PRIM2: variants seen among roughly 807,000 people sequenced by gnomAD.
PRIM2 encodes DNA primase subunit 2.
PRIM2 carries 39 observed loss-of-function variants against 67.3 expected under a neutral mutation model. The ratio of observed to expected loss-of-function variants is 0.58; its 90% CI spans 0.45 to 0.76. The LOEUF (loss-of-function observed/expected upper bound fraction) is 0.76. Among genes scored for constraint, PRIM2 ranks in the 30% least tolerant of loss-of-function variants. The pLI, the probability that PRIM2 is intolerant of heterozygous loss-of-function variation, is 0.00. For missense variants in PRIM2, 398 were observed against 598.7 expected, an observed-to-expected ratio of 0.66 and a Z score of 3.50; for synonymous variants, 143 against 198.7, an observed-to-expected ratio of 0.72 and a Z score of 2.36.
intron 10 of PRIM2, among the ~76,000 whole-genome samples, chr6:57,546,204 T>C (rs1775288137): frequency 1.3e-5 from 2 of 152,344 alleles, no homozygotes; most frequent in African/African-American, 2.4e-5. Flanking sequence ...CGCCTAACTT[T>C]GGATTTCTGA....
At chr6:57,232,501 A>T in the PRIM2 span, among the ~76,000 whole-genome samples, 1 of 152,220 alleles carries the variant, frequency 6.6e-6, no homozygotes, top group Admixed American at 6.5e-5. Context: ...GTGAGCTGAG[A>T]TCGCGCCACT....
chr6:57,369,482 G>C (rs1769473851), intron 5 of PRIM2, among the ~76,000 whole-genome samples: 1 of 152,148 alleles, frequency 6.6e-6, no homozygotes, highest in Admixed American at 6.5e-5. Context: ...CTGTTGAGTG[G>C]GTGGATATGA....
At chr6:57,557,986 T>A (rs1775549290) in intron 10 of PRIM2, among the ~76,000 whole-genome samples, 3 of 152,142 alleles carry the variant, frequency 2.0e-5, no homozygotes, top group African/African-American at 7.2e-5. Flanking sequence ...TAGACATTAG[T>A]CTCCTGAGAG....
At chr6:57,286,129 C>T in the PRIM2 span, among the ~76,000 whole-genome samples, 1 of 152,154 alleles carries the variant, frequency 6.6e-6, no homozygotes, top group South Asian at 2.1e-4. Context: ...AAAGGAAAAA[C>T]ATTCCATGCT....
At chr6:57,279,279 C>CT in the PRIM2 span, among the ~76,000 whole-genome samples, 2 of 152,096 alleles carry the variant, frequency 1.3e-5, no homozygotes, top group Admixed American at 1.3e-4. Context: ...CTGCTTTTTT[C>CT]TTTTTTTAAC....
chr6:57,452,840 T>G (rs1036512313), intron 7 of PRIM2, among the ~76,000 whole-genome samples: 1 of 152,234 alleles, frequency 6.6e-6, no homozygotes, highest in Admixed American at 6.5e-5. Context: ...TTTTGGTGTT[T>G]TAGACATGAA....
chr6:57,320,995 G>T (rs1767636316), intron 3 of PRIM2, among the ~76,000 whole-genome samples: 1 of 152,156 alleles, frequency 6.6e-6, no homozygotes, highest in Non-Finnish European at 1.5e-5. Context: ...AGAAGAGGTA[G>T]TAGTGGAGCT....
chr6:57,308,961 A>G, the PRIM2 span, among the ~76,000 whole-genome samples: 1 of 146,214 alleles, frequency 6.8e-6, no homozygotes, highest in Non-Finnish European at 1.5e-5. Flanking sequence ...GTATTTATTG[A>G]TCATTCTTGG....
chr6:57,563,164 C>T (rs1259245819), intron 10 of PRIM2, among the ~76,000 whole-genome samples: 2 of 152,088 alleles, frequency 1.3e-5, no homozygotes, highest in East Asian at 1.9e-4. Flanking sequence ...AGTATAGCCT[C>T]TGTGAATATC....
chr6:57,565,022 T>G (rs1183094145), intron 10 of PRIM2, among the ~76,000 whole-genome samples: 23 of 151,100 alleles, frequency 1.5e-4, no homozygotes, highest in African/African-American at 5.3e-4. Context: ...AGAATGTGGA[T>G]TCCTTAAATT....
At chr6:57,426,998 T>G (rs1452699287) in intron 7 of PRIM2, among the ~76,000 whole-genome samples, 1 of 152,220 alleles carries the variant, frequency 6.6e-6, no homozygotes, top group Non-Finnish European at 1.5e-5. Flanking sequence ...TAGTAGAATG[T>G]GATTGAAAAT....
chr6:57,445,887 T>TGCTTCCTGC (rs1772348501), intron 7 of PRIM2, among the ~76,000 whole-genome samples: 1 of 152,190 alleles, frequency 6.6e-6, no homozygotes. Flanking sequence ...CAGTTCAGTG[T>TGCTTCCTGC]AGTCTTTGTC....
intron 7 of PRIM2, among the ~76,000 whole-genome samples, chr6:57,455,210 G>C (rs1478003218): frequency 6.6e-6 from 1 of 152,168 alleles, no homozygotes; most frequent in Non-Finnish European, 1.5e-5. Context: ...TTCCAACTAT[G>C]TGGTCCATTT....
chr6:57,378,815 T>G (rs1769863403), intron 5 of PRIM2, among the ~76,000 whole-genome samples: 1 of 152,268 alleles, frequency 6.6e-6, no homozygotes, highest in African/African-American at 2.4e-5. Context: ...ATCAGTGTTT[T>G]GTTTTGTTTT....
chr6:57,510,088 T>G (rs1581961079), intron 8 of PRIM2, among the ~76,000 whole-genome samples: 1 of 151,892 alleles, frequency 6.6e-6, no homozygotes, highest in Non-Finnish European at 1.5e-5. Flanking sequence ...TTTCATAATA[T>G]CCCATGCCTT....
intron 10 of PRIM2, among the ~76,000 whole-genome samples, chr6:57,580,824 G>A (rs1293332425): frequency 6.6e-6 from 1 of 152,118 alleles, no homozygotes; most frequent in East Asian, 1.9e-4. Context: ...AACCCCATCT[G>A]TAGTATCTTT....
intron 7 of PRIM2, among the ~76,000 whole-genome samples, chr6:57,475,360 C>G (rs1773452286): frequency 6.6e-6 from 1 of 152,166 alleles, no homozygotes; most frequent in Non-Finnish European, 1.5e-5. Flanking sequence ...GCTTTCATCC[C>G]CAATCTACCC....
chr6:57,553,074 T>A (rs1463279093), intron 10 of PRIM2, among the ~76,000 whole-genome samples: 1 of 152,202 alleles, frequency 6.6e-6, no homozygotes, highest in East Asian at 1.9e-4. Flanking sequence ...AGTGGTTAAG[T>A]GATATTGTTC....
intron 5 of PRIM2, among the ~76,000 whole-genome samples, chr6:57,368,135 TCA>T (rs1273321944): frequency 3.3e-5 from 5 of 152,234 alleles, no homozygotes; most frequent in Non-Finnish European, 7.3e-5. Context: ...TTTGATCTAT[TCA>T]CAGTTTTAAT....
Sources: allele counts gnomAD v4.1 joint callset (sites outside exome capture counted in the v4.1 genomes callset), GRCh38; gene constraint gnomAD v4.1.1; transcripts MANE v1.5; gene names NCBI Gene and HGNC (gene_info 2026-07-23, HGNC 2026-07-21).